Variants in PRELID2 observed in about 807,000 individuals in gnomAD.
PRELID2 encodes the protein PRELI domain-containing protein 2.
In PRELID2, 25 loss-of-function variants were observed where a neutral mutation model predicts 28.4. The ratio of observed to expected loss-of-function variants is 0.88; its 90% CI spans 0.64 to 1.23. The LOEUF (loss-of-function observed/expected upper bound fraction) is 1.23. Among genes scored for constraint, PRELID2 ranks in the 50% most tolerant of loss-of-function variants. PRELID2 has a pLI of 0.00. For missense variants in PRELID2, 201 were observed against 214.4 expected, an observed-to-expected ratio of 0.94 and a Z score of 0.39; for synonymous variants, 76 against 71.6, an observed-to-expected ratio of 1.06 and a Z score of -0.31.
chr5:145,435,155 T>C, the PRELID2 span, among the ~76,000 whole-genome samples: 3 of 152,272 alleles, frequency 2.0e-5, no homozygotes, highest in South Asian at 2.1e-4. Flanking sequence ...TAGAGGAAGA[T>C]AGGCAGTATA....
chr5:145,278,442 C>T, the PRELID2 span, among the ~76,000 whole-genome samples: 1 of 152,138 alleles, frequency 6.6e-6, no homozygotes, highest in African/African-American at 2.4e-5. Context: ...GATTCAATTC[C>T]TTGCAGGCTG....
chr5:145,338,773 T>C, the PRELID2 span, among the ~76,000 whole-genome samples: 1 of 152,192 alleles, frequency 6.6e-6, no homozygotes, highest in Non-Finnish European at 1.5e-5. Context: ...TGGCCCAATA[T>C]CACACAGCAA....
At chr5:145,690,823 C>T (rs1248994444) in intron 1 of PRELID2, among the ~76,000 whole-genome samples, 1 of 152,124 alleles carries the variant, frequency 6.6e-6, no homozygotes, top group African/African-American at 2.4e-5. Flanking sequence ...CCTTGCCCTG[C>T]TTTTAGATCA....
chr5:145,360,687 AG>A, the PRELID2 span, among the ~76,000 whole-genome samples: 1 of 152,196 alleles, frequency 6.6e-6, no homozygotes, highest in Non-Finnish European at 1.5e-5. Context: ...GGGATCCATT[AG>A]ATTTCCTTTT....
chr5:145,743,621 G>A (rs1756902468), intron 1 of PRELID2, among the ~76,000 whole-genome samples: 1 of 152,004 alleles, frequency 6.6e-6, no homozygotes. Flanking sequence ...GCCAAGGGAG[G>A]TAGTGAGTGA....
the PRELID2 span, among the ~76,000 whole-genome samples, chr5:145,381,855 G>T: frequency 1.3e-5 from 2 of 151,806 alleles, no homozygotes; most frequent in African/African-American, 4.8e-5. Context: ...ATCATCTACT[G>T]TGTTCATTAA....
chr5:145,464,316 A>C, the PRELID2 span, among the ~76,000 whole-genome samples: 1 of 152,300 alleles, frequency 6.6e-6, no homozygotes, highest in African/African-American at 2.4e-5. Context: ...AGAATAAGGG[A>C]AAGGTGGAAC....
At chr5:145,349,105 C>T in the PRELID2 span, among the ~76,000 whole-genome samples, 1 of 151,996 alleles carries the variant, frequency 6.6e-6, no homozygotes, top group Admixed American at 6.6e-5. Flanking sequence ...TTTATCTGCT[C>T]ATAATTCTTA....
chr5:145,833,304 C>G (rs947742367), intron 1 of PRELID2, among the ~76,000 whole-genome samples: 1 of 152,180 alleles, frequency 6.6e-6, no homozygotes, highest in African/African-American at 2.4e-5. Context: ...AACGCCTAGA[C>G]AGAGTGCCCT....
At chr5:145,415,096 AAC>A in the PRELID2 span, among the ~76,000 whole-genome samples, 1 of 152,092 alleles carries the variant, frequency 6.6e-6, no homozygotes. Context: ...TTGGAAGTAA[AAC>A]ACTCCTCAGC....
rs146712523 is a variant in PRELID2, at chr5:145,635,168, C to T, written n.70+129763G>A. ...TATGGTGCTTCTACCTTCTGTTTAG[C>T]ACTTTGGGGTTTTTGTCTAGGATTG... On this transcript the variant is annotated intron_variant and non_coding_transcript_variant, in intron 1 of 2. Coordinates refer to the PRELID2 transcript ENST00000510259. Among the ~76,000 whole-genome samples the T allele has an allele frequency of 2.4e-3, 364 of 152,306 alleles. 3 individuals carry two copies. Among genetic ancestry groups the T allele is most frequent in the African/African-American group, 8.2e-3 (342 of 41,554 alleles).
chr5:145,590,361 T>C (rs1753211027), intron 1 of PRELID2, among the ~76,000 whole-genome samples: 1 of 152,224 alleles, frequency 6.6e-6, no homozygotes, highest in Non-Finnish European at 1.5e-5. Context: ...TTTATTATCT[T>C]CATAGCATTT....
chr5:145,570,903 A>G (rs958124206), intron 1 of PRELID2, among the ~76,000 whole-genome samples: 1 of 152,226 alleles, frequency 6.6e-6, no homozygotes, highest in African/African-American at 2.4e-5. Flanking sequence ...CCAAGACATT[A>G]CATAAGCTGG....
the PRELID2 span, among the ~76,000 whole-genome samples, chr5:145,369,849 G>T: frequency 1.3e-5 from 2 of 151,884 alleles, no homozygotes; most frequent in African/African-American, 2.4e-5. Flanking sequence ...TTGTGGTTTT[G>T]ATTTGCATTC....
At chr5:145,337,825 T>C in the PRELID2 span, 1 of 150,294 alleles carries the variant, frequency 6.7e-6, no homozygotes, top group Non-Finnish European at 1.5e-5. Context: ...TCTGTTCCTA[T>C]GAAGCTGAGA....
At chr5:145,773,574 G>A (rs1463991932) in intron 5 of PRELID2, among the ~76,000 whole-genome samples, 1 of 152,180 alleles carries the variant, frequency 6.6e-6, no homozygotes, top group Non-Finnish European at 1.5e-5. Flanking sequence ...GAAGCATACT[G>A]TTCCTTAGTC....
At chr5:145,739,697 C>T (rs1305482109) in intron 1 of PRELID2, among the ~76,000 whole-genome samples, 2 of 151,786 alleles carry the variant, frequency 1.3e-5, no homozygotes, top group African/African-American at 2.4e-5. Context: ...TGATTATAAA[C>T]AGGAGAGGGT....
the PRELID2 span, among the ~76,000 whole-genome samples, chr5:145,418,533 G>T: frequency 6.6e-6 from 1 of 151,868 alleles, no homozygotes; most frequent in Non-Finnish European, 1.5e-5. Context: ...TAAGAACAGT[G>T]GTATAAGAAC....
chr5:145,697,550 T>C (rs922930823), intron 1 of PRELID2, among the ~76,000 whole-genome samples: 1 of 152,318 alleles, frequency 6.6e-6, no homozygotes, highest in Non-Finnish European at 1.5e-5. Context: ...ATGCTGCTTT[T>C]ATGCTAGCAG....
Sources: allele counts gnomAD v4.1 joint callset (sites outside exome capture counted in the v4.1 genomes callset), GRCh38; gene constraint gnomAD v4.1.1; transcripts MANE v1.5; gene names NCBI Gene and HGNC (gene_info 2026-07-23, HGNC 2026-07-21).